OR4F17: variants seen among roughly 807,000 people sequenced by gnomAD.
The protein encoded by OR4F17 is olfactory receptor 4F17.
For missense variants in OR4F17, 1 was observed against 323.6 expected (o/e 0.00, Z 7.65); for synonymous variants, 1 against 120.7 (o/e 0.01, Z 6.50).
intron 2 of OR4F17, among the ~76,000 whole-genome samples, chr19:109,788 C>T: frequency 6.8e-6 from 1 of 148,012 alleles, no homozygotes; most frequent in African/African-American, 2.4e-5. Flanking sequence ...TGAACACAGG[C>T]CTCCTAGCAC....
intron 2 of OR4F17, among the ~76,000 whole-genome samples, chr19:108,279 G>A (rs1475844397): frequency 1.3e-5 from 2 of 149,178 alleles, no homozygotes; most frequent in East Asian, 2.0e-4. Flanking sequence ...TGTCAACAGT[G>A]GCTGGCTCTT....
chr19:109,607 G>T (rs1968679656), intron 2 of OR4F17, among the ~76,000 whole-genome samples: 1 of 127,826 alleles, frequency 7.8e-6, no homozygotes, highest in Non-Finnish European at 1.7e-5. Flanking sequence ...ATTATATATT[G>T]ACCATTACTA....
intron 2 of OR4F17, among the ~76,000 whole-genome samples, chr19:107,869 T>TA (rs1237715772): frequency 1.2e-5 from 1 of 85,366 alleles, no homozygotes; most frequent in East Asian, 4.7e-4. Context: ...ATATATTTTA[T>TA]TATATAATAT....
intron 2 of OR4F17, among the ~76,000 whole-genome samples, chr19:108,839 A>G (rs1968666623): frequency 6.6e-6 from 1 of 152,182 alleles, no homozygotes; most frequent in Non-Finnish European, 1.5e-5. Context: ...ACTGAAGTGA[A>G]TGTTCATGAT....
rs1293131783 is a variant in OR4F17, at chr19:108,083, ATT to A, written c.-55+531_-55+532del. ...ATATATATTATAGAATATAATATAT[ATT>A]TTATTATATAATATATATTATAGAA... On this transcript the variant is annotated intron_variant, in intron 2 of 2. Coordinates refer to ENST00000585993, the MANE Select transcript of OR4F17 (RefSeq NM_001005240.3). Among the ~76,000 whole-genome samples, 6 of 121,650 alleles carry A rather than the reference ATT, an allele frequency of 4.9e-5. No homozygotes were observed. In the South Asian group the frequency reaches 6.9e-4, roughly 14 times the overall value. The allele number at this position is 121,650 out of a possible 152,430, so 79.8% of individuals were successfully genotyped here.
At chr19:107,787 A>G (rs867574474) in intron 2 of OR4F17, among the ~76,000 whole-genome samples, 7 of 127,828 alleles carry the variant, frequency 5.5e-5, no homozygotes, top group Admixed American at 5.4e-4. Context: ...TATATATATT[A>G]CATATTATAT....
At chr19:108,803 T>C (rs1214000048) in intron 2 of OR4F17, among the ~76,000 whole-genome samples, 1 of 152,170 alleles carries the variant, frequency 6.6e-6, no homozygotes, top group African/African-American at 2.4e-5. Context: ...TATGATTATA[T>C]TTATTACAGT....
intron 2 of OR4F17, among the ~76,000 whole-genome samples, chr19:109,904 C>T (rs74998835): frequency 6.6e-6 from 1 of 152,178 alleles, no homozygotes; most frequent in East Asian, 1.9e-4. Context: ...TTATTACCTA[C>T]TGTTAGGCTT....
intron 2 of OR4F17, among the ~76,000 whole-genome samples, chr19:109,910 G>A (rs1334255863): frequency 1.1e-4 from 16 of 152,278 alleles, no homozygotes; most frequent in South Asian, 4.2e-4. Flanking sequence ...CCTACTGTTA[G>A]GCTTAAAATA....
chr19:108,047 T>TATATA, intron 2 of OR4F17, among the ~76,000 whole-genome samples: 4 of 106,692 alleles, frequency 3.7e-5, no homozygotes, highest in African/African-American at 1.5e-4. Flanking sequence ...TAATATATAT[T>TATATA]TTATTATAAA....
chr19:110,154 T>C (rs530250764), intron 2 of OR4F17, among the ~76,000 whole-genome samples: 25 of 149,408 alleles, frequency 1.7e-4, no homozygotes, highest in African/African-American at 6.1e-4. Context: ...CACTTTTGAA[T>C]TCCCTATTCT....
rs1373266355 is a variant in OR4F17 at position 111,101 on chromosome 19, AT to A, written c.424del (p.Trp142GlyfsTer9). 1 of 1,465,642 alleles carries A rather than the reference AT, an allele frequency of 6.8e-7. No homozygotes were observed. The allele number at this position is 1,465,642 out of a possible 1,614,324, so 90.8% of individuals were successfully genotyped here. Reference sequence around the variant, plus strand: ...CATGTGTCGGCATTATGGCTGTCGCATGGGGAATTGGCTTTCTCCATTCGGT... The same window carrying A: ...CATGTGTCGGCATTATGGCTGTCGCAGGGGAATTGGCTTTCTCCATTCGGT... Reference protein sequence around the residue: ...NACVGIMAVAWGIGFLHSVSQ... With the variant: ...NACVGIMAVAXGIGFLHSVSQ... On this transcript the variant is annotated frameshift_variant, in exon 3 of 3. Transcript: ENST00000585993. LOFTEE classifies it high-confidence loss of function.
intron 2 of OR4F17, 119 bp downstream of exon 2, chr19:107,674 T>A (rs1968628326): frequency 2.8e-6 from 1 of 357,518 alleles, no homozygotes; most frequent in African/African-American, 2.1e-5. Context: ...ATGATCACAC[T>A]GTGAATTTGT....
chr19:108,052 T>A (rs868568858), intron 2 of OR4F17, among the ~76,000 whole-genome samples: 1,697 of 97,548 alleles, frequency 0.017, 5 homozygotes, highest in African/African-American at 0.068. Flanking sequence ...TATATTTTAT[T>A]ATAAAATATA....
chr19:109,219 G>C (rs1968673457), intron 2 of OR4F17, among the ~76,000 whole-genome samples: 1 of 152,154 alleles, frequency 6.6e-6, no homozygotes, highest in African/African-American at 2.4e-5. Context: ...CCTTTTATTT[G>C]TTACTTCTCT....
chr19:108,076 A>G (rs1194750454), intron 2 of OR4F17, among the ~76,000 whole-genome samples: 1 of 121,852 alleles, frequency 8.2e-6, no homozygotes, highest in East Asian at 2.4e-4. Flanking sequence ...TATAGAATAT[A>G]ATATATATTT....
chr19:108,300 A>G (rs1456012652), intron 2 of OR4F17, among the ~76,000 whole-genome samples: 41 of 150,240 alleles, frequency 2.7e-4, no homozygotes, highest in African/African-American at 7.8e-4. Flanking sequence ...CATGGTTGCT[A>G]CAATGAGTGT....
At chr19:108,740 G>A (rs1396402015) in intron 2 of OR4F17, among the ~76,000 whole-genome samples, 3 of 152,008 alleles carry the variant, frequency 2.0e-5, no homozygotes, top group Non-Finnish European at 4.4e-5. Context: ...AACCAGTCAG[G>A]ACAGAAATTA....
At chr19:110,355 CTT>C (rs1173261240) in intron 2 of OR4F17, among the ~76,000 whole-genome samples, 1 of 150,330 alleles carries the variant, frequency 6.7e-6, no homozygotes, top group Non-Finnish European at 1.5e-5. Flanking sequence ...ATGGCATAGA[CTT>C]AATCTGGCAG....
Sources: allele counts gnomAD v4.1 joint callset (sites outside exome capture counted in the v4.1 genomes callset), GRCh38; gene constraint gnomAD v4.1.1; transcripts MANE v1.5; gene names NCBI Gene and HGNC (gene_info 2026-07-23, HGNC 2026-07-21).